FBLN1: variants seen among roughly 807,000 people sequenced by gnomAD.
FBLN1 encodes fibulin 1, also known as fibulin-1.
A neutral mutation model predicts 89.7 loss-of-function variants in FBLN1; 34 were observed. That is an observed-to-expected ratio of 0.38 (90% CI 0.29 to 0.50). The LOEUF (loss-of-function observed/expected upper bound fraction) is 0.50, where lower values mean the gene tolerates loss of function less well. Ranked by LOEUF, FBLN1 falls within the 20% of genes least tolerant of loss-of-function variation. The pLI, the probability that FBLN1 is intolerant of heterozygous loss-of-function variation, is 0.92. For synonymous variants in FBLN1, 393 were observed against 391.3 expected (o/e 1.00, Z -0.05); for missense variants, 777 against 988.1 (o/e 0.79, Z 2.86).
chr22:45,546,794 T>G (rs554778961), intron 11 of FBLN1, among the ~76,000 whole-genome samples: 14 of 152,318 alleles, frequency 9.2e-5, no homozygotes, highest in Admixed American at 2.6e-4. Context: ...AGAACTAGAA[T>G]GGACTCTGGC....
At chr22:45,564,498 C>A (rs1463995870) in intron 14 of FBLN1, among the ~76,000 whole-genome samples, 1 of 152,234 alleles carries the variant, frequency 6.6e-6, no homozygotes, top group African/African-American at 2.4e-5. Flanking sequence ...TGCCTCCGGC[C>A]CTTGGTACGT....
At chr22:45,564,772 C>A in intron 14 of FBLN1, 3 of 1,292,164 alleles carry the variant, frequency 2.3e-6, no homozygotes, top group Non-Finnish European at 3.3e-6. Flanking sequence ...AGACATCTCG[C>A]GTGCAGAAGG....
chr22:45,594,135 C>A (rs1281278936), intron 16 of FBLN1, among the ~76,000 whole-genome samples: 1 of 134,986 alleles, frequency 7.4e-6, no homozygotes, highest in East Asian at 2.0e-4. Context: ...GGAACCAGGC[C>A]CCTGGTGGCA....
chr22:45,550,553 C>G lies in FBLN1; in HGVS notation c.1635C>G (p.Ile545Met), dbSNP rs2088688075. The G allele has an allele frequency of 6.2e-7, 1 of 1,614,144 alleles. No individual in the cohort carries two copies. The highest frequency in any genetic ancestry group is 1.3e-5 in the African/African-American group (1 of 75,064). Residue 545 changes from isoleucine (I) to methionine (M), a missense_variant, in exon 14 of 17, where the codon ATC (isoleucine) becomes ATG (methionine). Ile to Met is a conservative substitution (Grantham distance 10). Transcript: ENST00000327858. The surrounding 1 kb of genome is among the most constrained non-coding windows in gnomAD (Gnocchi z 8.4). ...CCATCAACGAGACCTGCTTCAACAT[C>G]CAGGGCGGCTTCCGCTGCCTGGCCT... ...NCSINETCFN[I>M]QGGFRCLAFE...
chr22:45,523,395 G>T (rs1471803427), intron 2 of FBLN1, among the ~76,000 whole-genome samples: 1 of 152,138 alleles, frequency 6.6e-6, no homozygotes, highest in South Asian at 2.1e-4. Flanking sequence ...TCCACCTTTT[G>T]GATGTTGTAA....
intron 8 of FBLN1, among the ~76,000 whole-genome samples, chr22:45,539,846 T>C (rs1025486293): frequency 2.0e-5 from 3 of 152,158 alleles, no homozygotes; most frequent in African/African-American, 7.2e-5. Flanking sequence ...GGAACAGAGT[T>C]TGGGGAATCT....
intron 1 of FBLN1, among the ~76,000 whole-genome samples, chr22:45,505,033 C>T (rs1160143341): frequency 6.6e-6 from 1 of 152,182 alleles, no homozygotes; most frequent in East Asian, 1.9e-4. Context: ...GCTGTGGGGC[C>T]GCAGATGGTG....
At chr22:45,566,993 C>A (rs192373786) in intron 14 of FBLN1, among the ~76,000 whole-genome samples, 1 of 152,348 alleles carries the variant, frequency 6.6e-6, no homozygotes, top group Admixed American at 6.5e-5. Flanking sequence ...CCTAGGGAAG[C>A]AAGCAGTGCT....
At chr22:45,595,258 G>A (rs770166209) in intron 16 of FBLN1, among the ~76,000 whole-genome samples, 13 of 152,212 alleles carry the variant, frequency 8.5e-5, no homozygotes, top group Non-Finnish European at 1.3e-4. Flanking sequence ...GAGATGCAGT[G>A]TGGACTTCAG....
Position 45,588,559 on chromosome 22 carries a change from C to T in FBLN1, c.1972+11451C>T, listed in dbSNP as rs1441901476. ...ACTGGGGTCACCCCAACCCAGCCCC[C>T]AGCAGTTGCCCATAACTGGCCGCAG... On this transcript the variant is annotated intron_variant, in intron 16 of 16. Coordinates refer to ENST00000327858, the MANE Select transcript of FBLN1 (RefSeq NM_006486.3). This position sits in a 1 kb window ranked among gnomAD's most constrained non-coding sequence, Gnocchi z 5.1. 6.6e-6 allele frequency among the ~76,000 whole-genome samples: 1 copy of T among 152,134 alleles called. No homozygotes were observed. The highest frequency in any genetic ancestry group is 1.5e-5 in the Non-Finnish European group (1 of 68,018).
Position 45,541,810 on chromosome 22 carries a change from A to C in FBLN1, c.1067-345A>C, listed in dbSNP as rs959189363. 3.9e-5 allele frequency among the ~76,000 whole-genome samples: 6 copies of C among 152,238 alleles called. No individual in the cohort carries two copies. In the East Asian group the frequency reaches 9.7e-4, roughly 25 times the overall value. On this transcript the variant is annotated intron_variant, in intron 9 of 16. Transcript: ENST00000327858. ...TCATTCCCTCTGCCCACCTGCTCCT[A>C]CGTTCCTTTGGATCCAGGGCACCCA...
Position 45,575,491 on chromosome 22 carries a change from C to T in FBLN1, c.1840+838C>T, listed in dbSNP as rs2088989436. Among the ~76,000 whole-genome samples the T allele has an allele frequency of 6.6e-6, 1 of 152,064 alleles. No homozygotes were observed. Among genetic ancestry groups the T allele is most frequent in the Admixed American group, 6.5e-5 (1 of 15,270 alleles). On this transcript the variant is annotated intron_variant, in intron 15 of 16. Transcript: ENST00000327858. This position sits in a 1 kb window ranked among gnomAD's most constrained non-coding sequence, Gnocchi z 6.3. ...CAGGAGGCTAAAACTGGAGTTGGGC[C>T]TTCAACCCCCAGGCTTTGGGGGAAC...
rs1441003335 is a variant in FBLN1 at position 45,519,994 on chromosome 22, A to G, written c.185+1207A>G. ...AGACCAGCCTGACCAACGTGGTGAA[A>G]CCCCGTCTCTACTAAAAATATAAAA... On this transcript the variant is annotated intron_variant, in intron 2 of 16. Coordinates refer to ENST00000327858, the MANE Select transcript of FBLN1 (RefSeq NM_006486.3). 8.5e-5 allele frequency among the ~76,000 whole-genome samples: 13 copies of G among 152,116 alleles called. No individual in the cohort carries two copies. In the East Asian group the frequency reaches 2.5e-3, roughly 30 times the overall value.
chr22:45,567,663 T>TG (rs2088911017), intron 14 of FBLN1, among the ~76,000 whole-genome samples: 1 of 152,052 alleles, frequency 6.6e-6, no homozygotes, highest in Admixed American at 6.6e-5. Flanking sequence ...GAAAGGCAGA[T>TG]GCATTATTTC....
chr22:45,567,214 C>G (rs932925129), intron 14 of FBLN1, among the ~76,000 whole-genome samples: 3 of 152,252 alleles, frequency 2.0e-5, no homozygotes, highest in African/African-American at 7.2e-5. Context: ...AGCCCCATCT[C>G]ACAGAGCCCG....
intron 14 of FBLN1, among the ~76,000 whole-genome samples, chr22:45,553,440 G>A (rs979040287): frequency 1.3e-5 from 2 of 152,206 alleles, no homozygotes; most frequent in Non-Finnish European, 2.9e-5. Flanking sequence ...ATTCAGTGAT[G>A]ACAACCCGTC....
chr22:45,525,800 C>A, intron 3 of FBLN1, 122 bp downstream of exon 3: 1 of 1,321,802 alleles, frequency 7.6e-7, no homozygotes, highest in Non-Finnish European at 1.1e-6. Flanking sequence ...TCTTTGTGAG[C>A]AGCTGGGGGT....
rs945044789 is a variant in FBLN1 at position 45,572,428 on chromosome 22, AT to A, written c.1698-2074del. 2.0e-5 allele frequency among the ~76,000 whole-genome samples: 3 copies of A among 151,868 alleles called. No individual in the cohort carries two copies. The highest frequency in any genetic ancestry group is 2.1e-4 in the South Asian group (1 of 4,786). On this transcript the variant is annotated intron_variant, in intron 14 of 16. Coordinates refer to ENST00000327858, the MANE Select transcript of FBLN1 (RefSeq NM_006486.3). This position sits in a 1 kb window ranked among gnomAD's most constrained non-coding sequence, Gnocchi z 5.8. ...TGGCTTCCATCATGGGTTCATACTG[AT>A]TTTTTTTTCCCCAAAAATCCTTTGG...
At chr22:45,564,838 C>T (rs1365835166) in intron 14 of FBLN1, 10 of 1,611,518 alleles carry the variant, frequency 6.2e-6, no homozygotes, top group Non-Finnish European at 8.5e-6. Flanking sequence ...TGGCTTATGT[C>T]ACTAGCATTT....
Sources: gnomAD v4.1 joint callset for allele counts (sites outside exome capture counted in the v4.1 genomes callset) on GRCh38, gnomAD v4.1.1 for gene constraint, Gnocchi (gnomAD v3.1) non-coding constraint, MANE v1.5 for transcripts, NCBI Gene and HGNC (gene_info 2026-07-23, HGNC 2026-07-21) for gene names.